The following MXD4 variants were observed in gnomAD, a reference collection of about 807,000 sequenced individuals.
MXD4 encodes MAX dimerization protein 4.
In MXD4, 16 loss-of-function variants were observed where a neutral mutation model predicts 24.5. That is an observed-to-expected ratio of 0.65 (90% CI 0.44 to 0.99). The LOEUF (loss-of-function observed/expected upper bound fraction) is 0.99, where lower values mean the gene tolerates loss of function less well. Ranked by LOEUF, MXD4 falls within the 50% of genes least tolerant of loss-of-function variation. MXD4 has a pLI of 0.00. For synonymous variants in MXD4, 164 were observed against 134.2 expected (o/e 1.22, Z -1.54); for missense variants, 301 against 301.5 (o/e 1.00, Z 0.01).
At chr4:2,255,497 C>G (rs1214030104) in intron 3 of MXD4, 1 of 429,492 alleles carries the variant, frequency 2.3e-6, no homozygotes, top group African/African-American at 2.0e-5. Flanking sequence ...TGGCCTGGAG[C>G]CAACTCTACA....
Position 2,247,871 on chromosome 4 carries a change from G to A in MXD4, c.*2673C>T, listed in dbSNP as rs1024605760. ...CTTGCTGCAGCCTCTCCCACTCTGCGAGGATGGCGGGGGTCTGCTATGTGG... is the reference window on the plus strand; with the variant it reads ...CTTGCTGCAGCCTCTCCCACTCTGCAAGGATGGCGGGGGTCTGCTATGTGG... On this transcript the variant is annotated 3_prime_UTR_variant, in exon 6 of 6. Transcript: ENST00000337190. 3 of 152,400 alleles carry A rather than the reference G, an allele frequency of 2.0e-5. No individual in the cohort carries two copies. The highest frequency in any genetic ancestry group is 4.8e-5 in the African/African-American group (2 of 41,478). 9.4% of individuals were successfully genotyped at this position (152,400 alleles called of 1,614,324 possible). A position where few individuals can be genotyped will look rare whatever the true frequency, so the allele number is the denominator to read the frequency against.
At position 2,256,481 on chromosome 4, in the gene MXD4, C is replaced by T. The variant is rs569675524; in HGVS notation, c.194+1501G>A. ...GCTTCCTTCCTTTCTCAAGACAGCA[C>T]GCAGCCCTTCCTGCAGCCAAGAGCA... On this transcript the variant is annotated intron_variant, in intron 3 of 5. Transcript: ENST00000337190. Among the ~76,000 whole-genome samples the T allele has an allele frequency of 9.8e-5, 15 of 152,320 alleles. No homozygotes were observed. The South Asian group carries it at 1.0e-3, about 11-fold the overall frequency.
In MXD4 at chr4:2,258,005, T is replaced by C. The variant is rs778897633; in HGVS notation, c.171A>G (p.Ser57=). The change falls in exon 3 of 6, where the codon TCA becomes TCG. Residue 57 remains serine, a synonymous_variant. Coordinates refer to ENST00000337190, the MANE Select transcript of MXD4 (RefSeq NM_006454.3). ...ACCTGTGCTTTTCTAGCTCGTTGTG[T>C]GAAGACCTGTTTAGAAAGACAGAAA... The part of the protein sequence containing the change: ...LVRKAPNNRS[S]HNELEKHRRA... The C allele has an allele frequency of 2.5e-6, 4 of 1,613,688 alleles. No individual in the cohort carries two copies. The highest frequency in any genetic ancestry group is 2.5e-6 in the Non-Finnish European group (3 of 1,179,952).
intron 2 of MXD4, among the ~76,000 whole-genome samples, chr4:2,258,469 G>A (rs1467330366): frequency 6.6e-6 from 1 of 152,148 alleles, no homozygotes; most frequent in East Asian, 1.9e-4. Flanking sequence ...GCAGCAACAG[G>A]TCCTGGCGCT....
At chr4:2,254,513 T>C (rs914321914) in intron 3 of MXD4, 1 of 151,982 alleles carries the variant, frequency 6.6e-6, no homozygotes, top group African/African-American at 2.4e-5. Context: ...CACACAGACA[T>C]TGCTGTGACA....
At chr4:2,261,691 C>T (rs1235519753) in intron 2 of MXD4, 34 bp downstream of exon 2, 2 of 1,208,740 alleles carry the variant, frequency 1.7e-6, no homozygotes, top group Non-Finnish European at 2.1e-6. Flanking sequence ...GGGTTCGGAC[C>T]GGGCCGGGCG....
chr4:2,256,499 C>A (rs1263714759), intron 3 of MXD4, among the ~76,000 whole-genome samples: 1 of 152,198 alleles, frequency 6.6e-6, no homozygotes, highest in Non-Finnish European at 1.5e-5. Context: ...TTCCTGCAGC[C>A]AAGAGCAGCT....
chr4:2,258,951 T>G (rs946893151), intron 2 of MXD4: 1 of 455,944 alleles, frequency 2.2e-6, no homozygotes, highest in Non-Finnish European at 4.4e-6. Context: ...AGCATCTGCC[T>G]GGAGGATAAC....
chr4:2,255,203 C>A (rs369241830), intron 3 of MXD4: 1 of 408,648 alleles, frequency 2.4e-6, no homozygotes. Flanking sequence ...AGAACAAGGT[C>A]CCCTCCTTAT....
rs1037298220 is a variant in MXD4 at position 2,262,101 on chromosome 4, C to G, written c.-121G>C. On this transcript the variant is annotated 5_prime_UTR_variant, in exon 1 of 6. Coordinates refer to ENST00000337190, the MANE Select transcript of MXD4 (RefSeq NM_006454.3). Reference sequence around the variant, plus strand: ...GCCGCACTTCCAGACTCCGCGGACTCCGGCGCTCGGCCGCCACCCTCCGCC... The same window carrying G: ...GCCGCACTTCCAGACTCCGCGGACTGCGGCGCTCGGCCGCCACCCTCCGCC... 19 of 387,872 alleles carry G rather than the reference C, an allele frequency of 4.9e-5. No homozygotes were observed. The highest frequency in any genetic ancestry group is 6.7e-5 in the Non-Finnish European group (19 of 283,532). The allele number at this position is 387,872 out of a possible 1,614,324, so 24.0% of individuals were successfully genotyped here.
intron 4 of MXD4, 103 bp downstream of exon 4, chr4:2,252,305 C>A: frequency 1.0e-6 from 1 of 957,226 alleles, no homozygotes; most frequent in Non-Finnish European, 1.6e-6. Context: ...TTCAGGCCCT[C>A]TGATCCAAGG....
In MXD4 at chr4:2,250,229, G is replaced by T; in HGVS notation, c.*315C>A. ...CCTCACACGGCACCTGCCGAGGTTTGCAGCAATGACGTTTAATACTTCTGG... is the reference window on the plus strand; with the variant it reads ...CCTCACACGGCACCTGCCGAGGTTTTCAGCAATGACGTTTAATACTTCTGG... On this transcript the variant is annotated 3_prime_UTR_variant, in exon 6 of 6. Transcript: ENST00000337190. The T allele has an allele frequency of 2.6e-6, 1 of 377,598 alleles. No homozygotes were observed. The allele number at this position is 377,598 out of a possible 1,614,324, so 23.4% of individuals were successfully genotyped here.
At chr4:2,258,841 C>G in intron 2 of MXD4, 1 of 451,002 alleles carries the variant, frequency 2.2e-6, no homozygotes, top group South Asian at 1.6e-5. Flanking sequence ...CCTGGAGGCC[C>G]GGGCTCAGCT....
intron 5 of MXD4, 49 bp from the exon 6 acceptor site, chr4:2,250,750 G>A: frequency 6.3e-7 from 1 of 1,583,128 alleles, no homozygotes; most frequent in Non-Finnish European, 8.6e-7. Flanking sequence ...GAGGGTGCCA[G>A]CCCATTTCTC....
At chr4:2,258,316 C>A (rs1011898524) in intron 2 of MXD4, among the ~76,000 whole-genome samples, 1 of 152,154 alleles carries the variant, frequency 6.6e-6, no homozygotes, top group Admixed American at 6.5e-5. Flanking sequence ...GCAGCAGGGG[C>A]CAGCCTTGCT....
Position 2,250,929 on chromosome 4 carries a change from CT to C in MXD4, c.472+154del, listed in dbSNP as rs757338500. On this transcript the variant is annotated intron_variant, in intron 5 of 5. Transcript: ENST00000337190. ...GCATCCCACCCTCCCTGTCCAGTCC[CT>C]TCTGCGCTTAGTGACAAACACACAC... Among the ~76,000 whole-genome samples the C allele has an allele frequency of 1.6e-3, 242 of 152,274 alleles. 1 individual carries two copies. The highest frequency in any genetic ancestry group is 3.4e-3 in the Middle Eastern group (1 of 294).
At position 2,258,005 on chromosome 4, in the gene MXD4, T is replaced by G; in HGVS notation, c.171A>C (p.Ser57=). The change falls in exon 3 of 6, where the codon TCA becomes TCC. Residue 57 remains serine (S), a synonymous_variant. Coordinates refer to ENST00000337190, the MANE Select transcript of MXD4 (RefSeq NM_006454.3). The part of the protein sequence containing the change: ...LVRKAPNNRS[S]HNELEKHRRA... The stretch of plus-strand genomic sequence containing the variant: ...ACCTGTGCTTTTCTAGCTCGTTGTG[T>G]GAAGACCTGTTTAGAAAGACAGAAA... 2 of 1,613,688 alleles carry G rather than the reference T, an allele frequency of 1.2e-6. No individual in the cohort carries two copies. The highest frequency in any genetic ancestry group is 1.7e-6 in the Non-Finnish European group (2 of 1,179,952).
intron 4 of MXD4, 39 bp from the exon 5 acceptor site, chr4:2,251,285 G>C (rs555219280): frequency 6.5e-7 from 1 of 1,532,472 alleles, no homozygotes; most frequent in Non-Finnish European, 8.8e-7. Flanking sequence ...AGCGGGAAGA[G>C]GAGTCCCCCC....
At chr4:2,260,606 C>G (rs753231007) in intron 2 of MXD4, 6 of 455,348 alleles carry the variant, frequency 1.3e-5, no homozygotes, top group Non-Finnish European at 2.6e-5. Flanking sequence ...CACTCCTGTC[C>G]TTCCCCAAAC....
Sources: allele counts gnomAD v4.1 joint callset (sites outside exome capture counted in the v4.1 genomes callset), GRCh38; gene constraint gnomAD v4.1.1; transcripts MANE v1.5; gene names NCBI Gene and HGNC (gene_info 2026-07-23, HGNC 2026-07-21).